The following LY75 variants were observed in gnomAD, a reference collection of about 807,000 sequenced individuals.
LY75 encodes lymphocyte antigen 75, also known as C-type lectin domain family 13 member B.
In LY75, 185 loss-of-function variants were observed where a neutral mutation model predicts 231.7. The observed-to-expected ratio is 0.80, with a 90% CI of 0.71 to 0.90. LY75 has a LOEUF of 0.90. LY75 is among the 40% of genes least tolerant of loss of function. The pLI, the probability that LY75 is intolerant of heterozygous loss-of-function variation, is 0.00. For missense variants in LY75, 1,947 were observed against 2,050.2 expected (o/e 0.95, Z 0.97); for synonymous variants, 668 against 689.0 (o/e 0.97, Z 0.48).
In LY75 at chr2:159,831,837, C is replaced by T. The variant is rs760587291; in HGVS notation, c.3842-51G>A. 2.1e-6 allele frequency: 3 copies of T among 1,458,396 alleles called. No individual in the cohort carries two copies. In the East Asian group the frequency reaches 7.1e-5, roughly 34 times the overall value. 90.3% of individuals were successfully genotyped at this position (1,458,396 alleles called of 1,614,324 possible). A position where few individuals can be genotyped will look rare whatever the true frequency, so the allele number is the denominator to read the frequency against. On this transcript the variant is annotated intron_variant, in intron 27 of 34. Transcript: ENST00000263636. ...TTTTAACAATTACTTATCTAGTACA[C>T]TTCTATTTGATAAGTTTAAAACATT...
chr2:159,885,010 G>T, intron 6 of LY75, 143 bp downstream of exon 6: 2 of 1,120,314 alleles, frequency 1.8e-6, no homozygotes, highest in East Asian at 2.6e-5. Context: ...TAACCACAGG[G>T]TTAAAAATCA....
rs142005457 is a variant in LY75 at position 159,891,973 on chromosome 2, T to C, written c.638-1596A>G. ...TATTATCAATTATAGCTGAAGAAAA[T>C]ACTGGCTTTTTCTATTTTAGTAGGT... is the stretch of plus-strand genomic sequence containing the variant. On this transcript the variant is annotated intron_variant, in intron 3 of 34. Coordinates refer to ENST00000263636, the MANE Select transcript of LY75 (RefSeq NM_002349.4). 3.8e-3 allele frequency among the ~76,000 whole-genome samples: 575 copies of C among 152,312 alleles called. 6 individuals carry two copies. Among genetic ancestry groups the C allele is most frequent in the African/African-American group, 0.013 (536 of 41,558 alleles).
chr2:159,849,847 T>A, intron 23 of LY75, 133 bp downstream of exon 23: 1 of 1,180,782 alleles, frequency 8.5e-7, no homozygotes, highest in South Asian at 1.6e-5. Context: ...CTACTTACTA[T>A]CTTAGATGTG....
In LY75 at chr2:159,817,163, ATATTT is replaced by A. The variant is rs564884288; in HGVS notation, c.4154-136_4154-132del. ...CTTATTAATAAGGGAGGTCAAATGT[ATATTT>A]TATTTTTCTTACTGGTATGACACAT... On this transcript the variant is annotated intron_variant, in intron 29 of 34. Transcript: ENST00000263636. 6.3e-4 allele frequency: 619 copies of A among 983,612 alleles called. No homozygotes were observed. The African/African-American group carries it at 8.9e-3, about 14-fold the overall frequency. The allele number at this position is 983,612 out of a possible 1,614,324, so 60.9% of individuals were successfully genotyped here. A position where few individuals can be genotyped will look rare whatever the true frequency, so the allele number is the denominator to read the frequency against.
At chr2:159,805,587 A>C (rs1682767954) in intron 34 of LY75, among the ~76,000 whole-genome samples, 1 of 152,216 alleles carries the variant, frequency 6.6e-6, no homozygotes, top group South Asian at 2.1e-4. Flanking sequence ...GCTAAAAGCT[A>C]TAAATTTTTG....
intron 28 of LY75, among the ~76,000 whole-genome samples, chr2:159,825,047 A>G (rs555300682): frequency 6.6e-6 from 1 of 152,350 alleles, no homozygotes; most frequent in South Asian, 2.1e-4. Flanking sequence ...AGTTAAAAGA[A>G]GTAGAGAAGC....
rs571068595 is a variant in LY75, at chr2:159,842,177, C to A, written c.3280+68G>T. ...CCCTCCCTCCCTATAGAAAGTGACT[C>A]TCTCTCTCTCTATATATATATATGT... On this transcript the variant is annotated intron_variant, in intron 24 of 34. Coordinates refer to ENST00000263636, the MANE Select transcript of LY75 (RefSeq NM_002349.4). 4.8e-3 allele frequency: 7,281 copies of A among 1,509,946 alleles called. 472 individuals carry two copies. In the African/African-American group the frequency reaches 0.096, roughly 20 times the overall value. 93.5% of individuals were successfully genotyped at this position (1,509,946 alleles called of 1,614,324 possible).
At chr2:159,882,033 C>T in intron 7 of LY75, 91 bp downstream of exon 7, 4 of 1,447,558 alleles carry the variant, frequency 2.8e-6, no homozygotes, top group South Asian at 2.7e-5. Context: ...TGGGATCAAA[C>T]TGTAAGCTTT....
intron 12 of LY75, among the ~76,000 whole-genome samples, chr2:159,873,747 T>C (rs1341850790): frequency 7.8e-6 from 1 of 128,244 alleles, no homozygotes; most frequent in Non-Finnish European, 1.6e-5. Flanking sequence ...TATATACATT[T>C]TGTAAAAATA....
At chr2:159,809,441 T>C (rs1682886662) in intron 32 of LY75, among the ~76,000 whole-genome samples, 1 of 152,190 alleles carries the variant, frequency 6.6e-6, no homozygotes, top group East Asian at 1.9e-4. Context: ...CTACTTTGAT[T>C]TGTTACCCTG....
chr2:159,853,112 T>G (rs186714363), intron 20 of LY75, among the ~76,000 whole-genome samples, 161 bp downstream of exon 20: 162 of 152,374 alleles, frequency 1.1e-3, no homozygotes, highest in African/African-American at 3.8e-3. Flanking sequence ...AAAAGTACCT[T>G]TATTTGCATT....
At chr2:159,831,146 T>C (rs1286312772) in intron 28 of LY75, among the ~76,000 whole-genome samples, 1 of 152,212 alleles carries the variant, frequency 6.6e-6, no homozygotes, top group African/African-American at 2.4e-5. Context: ...TGAATTATGA[T>C]CTTCAGTCTT....
At chr2:159,839,867 G>A (rs1033596309) in intron 25 of LY75, among the ~76,000 whole-genome samples, 13 of 151,966 alleles carry the variant, frequency 8.6e-5, no homozygotes, top group African/African-American at 2.9e-4. Flanking sequence ...TTAGCTGGGC[G>A]TGTTGGCGCA....
At chr2:159,808,661 A>G in intron 32 of LY75, 90 bp from the exon 33 acceptor site, 3 of 1,500,304 alleles carry the variant, frequency 2.0e-6, no homozygotes, top group East Asian at 4.7e-5. Flanking sequence ...TACATATATT[A>G]TTAACAAGAT....
chr2:159,899,935 T>C (rs1686023037), intron 1 of LY75, among the ~76,000 whole-genome samples: 1 of 152,168 alleles, frequency 6.6e-6, no homozygotes, highest in Non-Finnish European at 1.5e-5. Flanking sequence ...CACTGGCTTG[T>C]GGCACCCTCA....
At chr2:159,889,482 C>T (rs960077504) in intron 4 of LY75, among the ~76,000 whole-genome samples, 5 of 152,096 alleles carry the variant, frequency 3.3e-5, no homozygotes, top group Non-Finnish European at 7.4e-5. Context: ...CCTGCCTTTA[C>T]CTTTTAAAGT....
rs1429496064 is a variant in LY75, at chr2:159,890,239, C to T, written c.776G>A (p.Ser259Asn). 1.2e-6 allele frequency: 2 copies of T among 1,613,188 alleles called. No homozygotes were observed. Among genetic ancestry groups the T allele is most frequent in the East Asian group, 2.2e-5 (1 of 44,860 alleles). The change falls in exon 4 of 35, where the codon AGT (serine) becomes AAT (asparagine). Residue 259 changes from serine to asparagine, a missense_variant. Transcript: ENST00000263636. ...TTTAAGGTAAGTTAATTCAGCAGCACTGTTGATGCTCAGTAAATCAGCTCC... is the reference window on the plus strand; with the variant it reads ...TTTAAGGTAAGTTAATTCAGCAGCATTGTTGATGCTCAGTAAATCAGCTCC... The part of the protein sequence containing the change: ...NQGADLLSIN[S>N]AAELTYLKEK...
chr2:159,898,600 G>T, intron 2 of LY75, 88 bp downstream of exon 2: 1 of 1,531,290 alleles, frequency 6.5e-7, no homozygotes, highest in South Asian at 1.3e-5. Context: ...ACTAATGTAC[G>T]ACTCTATTTT....
rs1019399462 is a variant in LY75, at chr2:159,889,373, C to T, written c.802+840G>A. Among the ~76,000 whole-genome samples, 6 of 152,260 alleles carry T rather than the reference C, an allele frequency of 3.9e-5. No homozygotes were observed. The Middle Eastern group carries it at 0.01, about 259-fold the overall frequency. Reference sequence around the variant, plus strand: ...TCTCCAGAGCAGCTGGGACTACAGGCACATGCCAACAGCCAATTAAAAAAA... The same window carrying T: ...TCTCCAGAGCAGCTGGGACTACAGGTACATGCCAACAGCCAATTAAAAAAA... On this transcript the variant is annotated intron_variant, in intron 4 of 34. Coordinates refer to ENST00000263636, the MANE Select transcript of LY75 (RefSeq NM_002349.4).
Sources: gnomAD v4.1 joint callset for allele counts (sites outside exome capture counted in the v4.1 genomes callset) on GRCh38, gnomAD v4.1.1 for gene constraint, MANE v1.5 for transcripts, NCBI Gene and HGNC (gene_info 2026-07-23, HGNC 2026-07-21) for gene names.